PTPRD: variants seen among roughly 807,000 people sequenced by gnomAD.
PTPRD encodes the protein protein tyrosine phosphatase receptor type D.
Under a neutral mutation model 214.5 loss-of-function variants are expected in PTPRD, and 34 were observed. That is an observed-to-expected ratio of 0.16 (90% confidence interval 0.12 to 0.21). PTPRD has a LOEUF of 0.21. Ranked by LOEUF, PTPRD falls within the 10% of genes least tolerant of loss-of-function variation. The pLI is 1.00. For missense variants in PTPRD, 2,545 were observed against 2,398.7 expected (o/e 1.06, Z -1.27); for synonymous variants, 1,128 against 845.7 (o/e 1.33, Z -5.79).
At chr9:9,861,186 G>A (rs564255784) in intron 5 of PTPRD, among the ~76,000 whole-genome samples, 1 of 152,270 alleles carries the variant, frequency 6.6e-6, no homozygotes, top group Non-Finnish European at 1.5e-5. Context: ...TGTATTGGGA[G>A]AAGTAAATAT....
At chr9:8,453,632 G>A (rs1019975384) in intron 33 of PTPRD, among the ~76,000 whole-genome samples, 1 of 152,196 alleles carries the variant, frequency 6.6e-6, no homozygotes, top group Non-Finnish European at 1.5e-5. Flanking sequence ...TTGAACATGA[G>A]GCTTGCTGAC....
intron 5 of PTPRD, among the ~76,000 whole-genome samples, chr9:9,779,950 T>TA (rs1259826285): frequency 1.3e-5 from 2 of 152,170 alleles, no homozygotes; most frequent in Non-Finnish European, 2.9e-5. Flanking sequence ...AAAAGACACA[T>TA]ACGCTCATAT....
chr9:9,319,689 A>G (rs77294298), intron 9 of PTPRD, among the ~76,000 whole-genome samples: 2 of 152,184 alleles, frequency 1.3e-5, no homozygotes, highest in Non-Finnish European at 2.9e-5. Context: ...GTCTGAGTTA[A>G]GTACTCAAAA....
At chr9:9,388,398 T>G (rs1442583722) in intron 9 of PTPRD, among the ~76,000 whole-genome samples, 1 of 152,170 alleles carries the variant, frequency 6.6e-6, no homozygotes, top group Non-Finnish European at 1.5e-5. Context: ...TTCTGTATCA[T>G]TTAAAGGGAC....
chr9:8,874,674 A>G (rs1277076653), intron 11 of PTPRD, among the ~76,000 whole-genome samples: 2 of 152,152 alleles, frequency 1.3e-5, no homozygotes, highest in African/African-American at 2.4e-5. Context: ...ATAATCCCTA[A>G]TTCTGTTAAT....
chr9:9,836,548 G>A (rs2056816517), intron 5 of PTPRD, among the ~76,000 whole-genome samples: 1 of 152,122 alleles, frequency 6.6e-6, no homozygotes, highest in Non-Finnish European at 1.5e-5. Context: ...TTTATGGGGT[G>A]ACTGAACTTA....
chr9:10,362,402 G>C (rs1383529424), intron 2 of PTPRD, among the ~76,000 whole-genome samples: 1 of 150,532 alleles, frequency 6.6e-6, no homozygotes, highest in Non-Finnish European at 1.5e-5. Flanking sequence ...AGGCAGTCTG[G>C]CTCCAGTATA....
At chr9:9,065,710 G>C (rs1364008097) in intron 10 of PTPRD, among the ~76,000 whole-genome samples, 1 of 152,078 alleles carries the variant, frequency 6.6e-6, no homozygotes, top group Non-Finnish European at 1.5e-5. Flanking sequence ...CAGAGTTTTA[G>C]ACTACAAACT....
chr9:9,081,278 G>C (rs542573351), intron 10 of PTPRD, among the ~76,000 whole-genome samples: 17 of 152,114 alleles, frequency 1.1e-4, no homozygotes, highest in Non-Finnish European at 2.4e-4. Flanking sequence ...GGAACAGGTT[G>C]TTCAGTTTCC....
At chr9:8,800,952 T>C (rs1032852625) in intron 11 of PTPRD, among the ~76,000 whole-genome samples, 3 of 152,206 alleles carry the variant, frequency 2.0e-5, no homozygotes, top group African/African-American at 7.2e-5. Context: ...AGGCAGGCAG[T>C]CCTGGATTTG....
chr9:8,363,648 G>C (rs1352944335), intron 39 of PTPRD, among the ~76,000 whole-genome samples: 2 of 152,208 alleles, frequency 1.3e-5, no homozygotes, highest in Admixed American at 6.5e-5. Context: ...TGGGTGATCA[G>C]AATAGAGCAG....
Position 9,825,244 on chromosome 9 carries a change from C to CA in PTPRD, c.-367-58394dup, listed in dbSNP as rs1389802135. Among the ~76,000 whole-genome samples, 3 of 151,214 alleles carry CA rather than the reference C, an allele frequency of 2.0e-5. No individual in the cohort carries two copies. In the East Asian group the frequency reaches 5.8e-4, roughly 29 times the overall value. On this transcript the variant is annotated intron_variant, in intron 5 of 45. Coordinates refer to ENST00000381196, the MANE Select transcript of PTPRD (RefSeq NM_002839.4). ...GATTTTAATTTTATTTACTAGTTTTCAAAATAAAGATTTAAGAGCTTCTCA... is the reference window on the plus strand; with the variant it reads ...GATTTTAATTTTATTTACTAGTTTTCAAAAATAAAGATTTAAGAGCTTCTCA...
chr9:8,625,262 T>A (rs1595547955), intron 14 of PTPRD, among the ~76,000 whole-genome samples: 1 of 151,888 alleles, frequency 6.6e-6, no homozygotes, highest in African/African-American at 2.4e-5. Flanking sequence ...CAAGTTTTTG[T>A]ATAAATATTG....
intron 5 of PTPRD, among the ~76,000 whole-genome samples, chr9:9,771,002 G>A (rs971617280): frequency 1.6e-4 from 25 of 152,112 alleles, no homozygotes; most frequent in African/African-American, 5.8e-4. Context: ...ACTACAATAA[G>A]AGGTATTCTT....
chr9:10,016,682 T>C (rs2096723294), intron 4 of PTPRD, among the ~76,000 whole-genome samples: 1 of 151,760 alleles, frequency 6.6e-6, no homozygotes, highest in Admixed American at 6.6e-5. Context: ...TGTTTTTTTT[T>C]TCCACAGAAT....
Position 10,423,090 on chromosome 9 carries a change from C to A in PTPRD, c.-599-82073G>T, listed in dbSNP as rs576218391. On this transcript the variant is annotated intron_variant, in intron 2 of 45. Coordinates refer to ENST00000381196, the MANE Select transcript of PTPRD (RefSeq NM_002839.4). The stretch of plus-strand genomic sequence containing the variant: ...TCAATGATAGACTGGATTAAGAAAA[C>A]GTGGCACATATACACCATGGAATAC... Among the ~76,000 whole-genome samples, 7 of 151,842 alleles carry A rather than the reference C, an allele frequency of 4.6e-5. No individual in the cohort carries two copies. In the South Asian group the frequency reaches 1.0e-3, roughly 23 times the overall value.
chr9:9,582,303 G>T (rs978503021), intron 7 of PTPRD, among the ~76,000 whole-genome samples: 1 of 152,004 alleles, frequency 6.6e-6, no homozygotes, highest in Non-Finnish European at 1.5e-5. Context: ...TAAGAGGCAT[G>T]TTCCTCTTTG....
intron 3 of PTPRD, among the ~76,000 whole-genome samples, chr9:10,071,556 T>G (rs959277906): frequency 1.3e-5 from 2 of 152,044 alleles, no homozygotes; most frequent in Non-Finnish European, 2.9e-5. Context: ...GAAATGTGTA[T>G]GTCTATATGC....
intron 8 of PTPRD, among the ~76,000 whole-genome samples, chr9:9,455,259 A>T (rs1588906742): frequency 6.6e-6 from 1 of 151,794 alleles, no homozygotes; most frequent in East Asian, 1.9e-4. Context: ...AAAATGAAGT[A>T]ATTAGGCACC....
Sources: allele counts gnomAD v4.1 joint callset (sites outside exome capture counted in the v4.1 genomes callset), GRCh38; gene constraint gnomAD v4.1.1; transcripts MANE v1.5; gene names NCBI Gene and HGNC (gene_info 2026-07-23, HGNC 2026-07-21).